Variants in DNAJB6 observed in about 807,000 individuals in gnomAD.
The protein encoded by DNAJB6 is DnaJ heat shock protein family (Hsp40) member B6.
Under a neutral mutation model 42.7 loss-of-function variants are expected in DNAJB6, and 16 were observed. The ratio of observed to expected loss-of-function variants is 0.37; its 90% confidence interval spans 0.25 to 0.57. DNAJB6 has a LOEUF of 0.57. Among genes scored for constraint, DNAJB6 ranks in the 20% least tolerant of loss-of-function variants. The probability of loss-of-function intolerance (pLI) is 0.74; values close to 1 mark genes in which losing one functional copy is unlikely to be tolerated. For synonymous variants in DNAJB6, 170 were observed against 163.5 expected, an observed-to-expected ratio of 1.04 and a Z score of -0.30; for missense variants, 347 against 416.8, an observed-to-expected ratio of 0.83 and a Z score of 1.46.
chr7:157,339,280 C>CTTTTTT, intron 1 of DNAJB6, among the ~76,000 whole-genome samples: 1 of 116,504 alleles, frequency 8.6e-6, no homozygotes, highest in Non-Finnish European at 1.9e-5. Flanking sequence ...TCTGTTTGCA[C>CTTTTTT]CTTTTTTTTT....
At chr7:157,344,655 C>G (rs962377280) in intron 1 of DNAJB6, among the ~76,000 whole-genome samples, 1 of 152,054 alleles carries the variant, frequency 6.6e-6, no homozygotes, top group Admixed American at 6.6e-5. Flanking sequence ...TGCTCCGTTA[C>G]GTAGGCTGGA....
intron 8 of DNAJB6, among the ~76,000 whole-genome samples, chr7:157,386,756 C>T (rs181793460): frequency 4.6e-5 from 7 of 152,024 alleles, no homozygotes; most frequent in Admixed American, 4.6e-4. Flanking sequence ...TGGTGGCAGG[C>T]GCCTGTAATC....
At chr7:157,393,205 A>G (rs1801429977) in intron 8 of DNAJB6, among the ~76,000 whole-genome samples, 1 of 151,924 alleles carries the variant, frequency 6.6e-6, no homozygotes, top group Admixed American at 6.6e-5. Flanking sequence ...CAAACTCCTG[A>G]CCTCGAGTTA....
chr7:157,362,374 C>G (rs916327108), intron 2 of DNAJB6, among the ~76,000 whole-genome samples: 3 of 151,948 alleles, frequency 2.0e-5, no homozygotes, highest in African/African-American at 7.2e-5. Context: ...CCTTTTTTTC[C>G]CTTTTTAAAA....
chr7:157,405,939 G>T (rs143855374), intron 8 of DNAJB6, among the ~76,000 whole-genome samples: 1 of 152,256 alleles, frequency 6.6e-6, no homozygotes, highest in African/African-American at 2.4e-5. Flanking sequence ...CATCCACAGT[G>T]CAGGTTAGAA....
chr7:157,408,338 G>T (rs1237539780), intron 8 of DNAJB6, among the ~76,000 whole-genome samples: 2 of 152,246 alleles, frequency 1.3e-5, no homozygotes, highest in Non-Finnish European at 2.9e-5. Flanking sequence ...GATTGGGGTA[G>T]AAGGTGACAT....
chr7:157,389,814 G>C (rs1801253484), intron 8 of DNAJB6, among the ~76,000 whole-genome samples: 1 of 152,238 alleles, frequency 6.6e-6, no homozygotes, highest in African/African-American at 2.4e-5. Context: ...TAGAAGGCCT[G>C]TCCTGGCTTC....
At position 157,416,448 on chromosome 7, in the gene DNAJB6, G is replaced by A. The variant is rs1796108849; in HGVS notation, c.*350G>A. On this transcript the variant is annotated 3_prime_UTR_variant, in exon 10 of 10. Transcript: ENST00000262177. ...TCTGGCTTTAGAAGTACAGGAGGGC[G>A]CAGATGGCTAACTGAGTAACATTCA... The A allele has an allele frequency of 4.1e-6, 1 of 242,676 alleles. No individual in the cohort carries two copies. Among genetic ancestry groups the A allele is most frequent in the Non-Finnish European group, 8.1e-6 (1 of 122,934 alleles). 15.0% of individuals were successfully genotyped at this position (242,676 alleles called of 1,614,324 possible). A position where few individuals can be genotyped will look rare whatever the true frequency, so the allele number is the denominator to read the frequency against.
At chr7:157,414,874 T>C (rs1332622091) in intron 9 of DNAJB6, 3 of 152,310 alleles carry the variant, frequency 2.0e-5, no homozygotes, top group Non-Finnish European at 2.9e-5. Flanking sequence ...TCAGTGGACT[T>C]GCACCTGTGA....
intron 5 of DNAJB6, 74 bp from the exon 6 acceptor site, chr7:157,382,172 C>T: frequency 2.0e-6 from 3 of 1,465,358 alleles, no homozygotes; most frequent in Non-Finnish European, 1.8e-6. Flanking sequence ...TCTATTTTCT[C>T]TTACTGTAGC....
At chr7:157,360,841 C>T (rs1273104011) in intron 2 of DNAJB6, among the ~76,000 whole-genome samples, 1 of 152,184 alleles carries the variant, frequency 6.6e-6, no homozygotes, top group Non-Finnish European at 1.5e-5. Context: ...CACCATGGGC[C>T]TTCCTTCCTT....
intron 1 of DNAJB6, among the ~76,000 whole-genome samples, chr7:157,338,652 ACTCCTGAGGGCCTTAAG>A (rs1798178201): frequency 6.6e-6 from 1 of 151,418 alleles, no homozygotes; most frequent in African/African-American, 2.4e-5. Context: ...ACTTGTTTCC[ACTCCTGAGGGCCTTAAG>A]CTCCCTTGGA....
At chr7:157,403,541 G>T (rs1471484675) in intron 8 of DNAJB6, among the ~76,000 whole-genome samples, 1 of 152,082 alleles carries the variant, frequency 6.6e-6, no homozygotes, top group African/African-American at 2.4e-5. Context: ...GTCTCAGCTC[G>T]CAGCAACCTT....
intron 1 of DNAJB6, among the ~76,000 whole-genome samples, chr7:157,340,998 G>GTGTGTGTGCGCGCGCGCGCGCT (rs67210462): frequency 5.2e-5 from 7 of 134,958 alleles, no homozygotes; most frequent in African/African-American, 6.4e-5. Flanking sequence ...GTGTGTGTGT[G>GTGTGTGTGCGCGCGCGCGCGCT]CGCGCGCGCA....
At chr7:157,337,176 C>G (rs1452575237) in intron 1 of DNAJB6, 32 bp downstream of exon 1, 3 of 152,244 alleles carry the variant, frequency 2.0e-5, no homozygotes, top group Non-Finnish European at 4.4e-5. Flanking sequence ...CGGGGGAGGT[C>G]GCCTAGGGCC....
intron 8 of DNAJB6, among the ~76,000 whole-genome samples, chr7:157,394,053 C>T (rs943682823): frequency 9.2e-5 from 14 of 152,208 alleles, no homozygotes; most frequent in Non-Finnish European, 1.3e-4. Flanking sequence ...ATACCTTTCT[C>T]ATATCTTATT....
intron 5 of DNAJB6, among the ~76,000 whole-genome samples, chr7:157,372,794 G>A (rs1478720372): frequency 1.3e-5 from 2 of 152,166 alleles, no homozygotes; most frequent in East Asian, 1.9e-4. Context: ...TGAGACCCAG[G>A]TATTGCAGGG....
intron 3 of DNAJB6, among the ~76,000 whole-genome samples, chr7:157,365,645 G>A (rs1799806084): frequency 6.6e-6 from 1 of 152,100 alleles, no homozygotes; most frequent in African/African-American, 2.4e-5. Context: ...TGAAAGAAAC[G>A]ATCTAATGGA....
intron 5 of DNAJB6, 121 bp from the exon 6 acceptor site, chr7:157,382,125 C>A: frequency 2.7e-6 from 3 of 1,092,242 alleles, no homozygotes; most frequent in Non-Finnish European, 3.8e-6. Flanking sequence ...TTTGTTAAAA[C>A]CTCTTAAGTT....
Sources: gnomAD v4.1 joint callset for allele counts (sites outside exome capture counted in the v4.1 genomes callset) on GRCh38, gnomAD v4.1.1 for gene constraint, MANE v1.5 for transcripts, NCBI Gene and HGNC (gene_info 2026-07-23, HGNC 2026-07-21) for gene names.